The following RUNX2 variants were observed in gnomAD, a reference collection of about 807,000 sequenced individuals.
RUNX2 encodes the protein runt-related transcription factor 2.
Under a neutral mutation model 51.7 loss-of-function variants are expected in RUNX2, and 10 were observed. The observed-to-expected ratio is 0.19, with a 90% CI of 0.12 to 0.33. RUNX2 has a LOEUF of 0.33. Ranked by LOEUF, RUNX2 falls within the 10% of genes least tolerant of loss-of-function variation. The probability of loss-of-function intolerance (pLI) is 1.00; values close to 1 mark genes in which losing one functional copy is unlikely to be tolerated. For synonymous variants in RUNX2, 276 were observed against 273.6 expected (o/e 1.01, Z -0.09); for missense variants, 562 against 691.3 (o/e 0.81, Z 2.10).
intron 6 of RUNX2, among the ~76,000 whole-genome samples, chr6:45,507,032 T>A (rs1800989990): frequency 6.6e-6 from 1 of 151,330 alleles, no homozygotes; most frequent in Non-Finnish European, 1.5e-5. Context: ...AACTTGTAGG[T>A]AGTTCATGGC....
At chr6:45,460,987 A>G (rs140516762) in intron 5 of RUNX2, among the ~76,000 whole-genome samples, 1 of 152,364 alleles carries the variant, frequency 6.6e-6, no homozygotes, top group East Asian at 1.9e-4. Context: ...AGACAAGATC[A>G]CTTGGAGGAA....
At chr6:45,485,689 G>GTATATATATATATATATATA (rs1563107039) in intron 5 of RUNX2, among the ~76,000 whole-genome samples, 1 of 75,678 alleles carries the variant, frequency 1.3e-5, no homozygotes, top group African/African-American at 4.9e-5. Flanking sequence ...GTGTGTGTGT[G>GTATATATATATATATATATA]TGTGTGTGTA....
intron 2 of RUNX2, among the ~76,000 whole-genome samples, chr6:45,332,215 C>T (rs1030812433): frequency 3.3e-5 from 5 of 151,492 alleles, no homozygotes; most frequent in Non-Finnish European, 7.4e-5. Context: ...TTTTTTTCAA[C>T]AAATATTCAT....
At chr6:45,332,814 C>A (rs1409529341) in intron 2 of RUNX2, among the ~76,000 whole-genome samples, 2 of 151,788 alleles carry the variant, frequency 1.3e-5, no homozygotes, top group South Asian at 2.1e-4. Context: ...ACTATTTTTT[C>A]TAGTCACTCA....
At chr6:45,395,058 C>T (rs917767713) in intron 2 of RUNX2, among the ~76,000 whole-genome samples, 8 of 152,100 alleles carry the variant, frequency 5.3e-5, no homozygotes, top group Non-Finnish European at 1.0e-4. Flanking sequence ...TAATGAATTA[C>T]CCTTTAAGTG....
intron 2 of RUNX2, among the ~76,000 whole-genome samples, chr6:45,415,368 C>T (rs1251486417): frequency 6.6e-6 from 1 of 152,214 alleles, no homozygotes; most frequent in Non-Finnish European, 1.5e-5. Flanking sequence ...CTCTTCTCAA[C>T]CAAGGCTGAA....
chr6:45,437,920 G>T, intron 4 of RUNX2, 27 bp from the exon 5 acceptor site: 1 of 1,491,562 alleles, frequency 6.7e-7, no homozygotes, highest in Non-Finnish European at 9.4e-7. Context: ...AATATTCACT[G>T]TATATTTTCC....
chr6:45,422,928 T>A lies in RUNX2; in HGVS notation c.394T>A (p.Cys132Ser). The A allele has an allele frequency of 6.2e-7, 1 of 1,612,152 alleles. No homozygotes were observed. The highest frequency in any genetic ancestry group is 8.5e-7 in the Non-Finnish European group (1 of 1,179,600). Residue 132 changes from cysteine to serine, a missense_variant, in exon 3 of 9, where the codon TGC becomes AGC. By Grantham distance (112) the Cys-to-Ser change is moderately radical. This residue lies in a region of RUNX2 where 67 missense variants were observed against 106.5 expected (regional missense o/e 0.63). Transcript: ENST00000647337. Reference protein sequence around the residue: ...LCSVLPSHWRCNKTLPVAFKV... With the variant: ...LCSVLPSHWRSNKTLPVAFKV... ...CTCGGTGCTGCCCTCGCACTGGCGC[T>A]GCAACAAGACCCTGCCCGTGGCCTT... is the stretch of plus-strand genomic sequence containing the variant.
intron 5 of RUNX2, among the ~76,000 whole-genome samples, chr6:45,475,979 A>G (rs959522398): frequency 6.6e-6 from 1 of 152,232 alleles, no homozygotes; most frequent in African/African-American, 2.4e-5. Flanking sequence ...GGGAAAAGTA[A>G]GAGGTCCAAA....
At chr6:45,452,922 G>C (rs1799215618) in intron 5 of RUNX2, among the ~76,000 whole-genome samples, 1 of 152,108 alleles carries the variant, frequency 6.6e-6, no homozygotes, top group African/African-American at 2.4e-5. Context: ...TAGACCCTTA[G>C]CCACTACACT....
At chr6:45,458,657 A>G (rs373347710) in intron 5 of RUNX2, among the ~76,000 whole-genome samples, 1 of 152,258 alleles carries the variant, frequency 6.6e-6, no homozygotes, top group East Asian at 1.9e-4. Context: ...GTAAAAATAT[A>G]TGAAAAATAA....
At chr6:45,489,279 G>T (rs1333429998) in intron 5 of RUNX2, among the ~76,000 whole-genome samples, 1 of 152,048 alleles carries the variant, frequency 6.6e-6, no homozygotes, top group Non-Finnish European at 1.5e-5. Flanking sequence ...GATCATGAAG[G>T]GTTTTAAAAT....
intron 6 of RUNX2, among the ~76,000 whole-genome samples, chr6:45,501,467 T>G (rs983162078): frequency 6.6e-6 from 1 of 152,218 alleles, no homozygotes; most frequent in Non-Finnish European, 1.5e-5. Flanking sequence ...CCTCACAACT[T>G]TGTCTCATCT....
At chr6:45,491,856 C>T (rs1800485633) in intron 5 of RUNX2, 85 bp from the exon 6 acceptor site, 2 of 1,366,610 alleles carry the variant, frequency 1.5e-6, no homozygotes, top group Admixed American at 1.7e-5. Flanking sequence ...CTTAAACTCC[C>T]AGTTTGTATG....
chr6:45,422,765 TGCGGCGGCGGCGGCGGCTGCG>T lies in RUNX2; in HGVS notation c.240_260del (p.Ala83_Ala89del), dbSNP rs767890933. The T allele has an allele frequency of 7.6e-7, 1 of 1,313,836 alleles. No individual in the cohort carries two copies. Among genetic ancestry groups the T allele is most frequent in the African/African-American group, 1.5e-5 (1 of 65,626 alleles). 81.4% of individuals were successfully genotyped at this position (1,313,836 alleles called of 1,614,324 possible). A position where few individuals can be genotyped will look rare whatever the true frequency, so the allele number is the denominator to read the frequency against. ...AGCAGCAGGAGGCGGCGGCGGCGGC[TGCGGCGGCGGCGGCGGCTGCG>T]GCGGCGGCAGCTGCAGTGCCCCGGT... On this transcript the variant is annotated inframe_deletion, in exon 3 of 9. Coordinates refer to ENST00000647337, the MANE Select transcript of RUNX2 (RefSeq NM_001024630.4).
At chr6:45,489,251 T>C (rs887352352) in intron 5 of RUNX2, among the ~76,000 whole-genome samples, 1 of 152,182 alleles carries the variant, frequency 6.6e-6, no homozygotes, top group African/African-American at 2.4e-5. Context: ...AAGTGTTCTT[T>C]GAAGATAATT....
At chr6:45,367,059 G>A (rs1197127694) in intron 2 of RUNX2, among the ~76,000 whole-genome samples, 1 of 152,056 alleles carries the variant, frequency 6.6e-6, no homozygotes, top group Non-Finnish European at 1.5e-5. Context: ...AAGAAGGTTG[G>A]GGAAAAAAAG....
chr6:45,453,356 A>G (rs931950878), intron 5 of RUNX2, among the ~76,000 whole-genome samples: 2 of 152,212 alleles, frequency 1.3e-5, no homozygotes, highest in South Asian at 2.1e-4. Flanking sequence ...TTCATTACCT[A>G]TGTGGGGACA....
At chr6:45,468,026 A>G (rs983890223) in intron 5 of RUNX2, among the ~76,000 whole-genome samples, 3 of 152,158 alleles carry the variant, frequency 2.0e-5, no homozygotes, top group African/African-American at 7.2e-5. Context: ...TCATGTTGTG[A>G]AACTCTCTGT....
Sources: gnomAD v4.1 joint callset for allele counts (sites outside exome capture counted in the v4.1 genomes callset) on GRCh38, gnomAD v4.1.1 for gene constraint, gnomAD v4.1.1 regional missense constraint, MANE v1.5 for transcripts, NCBI Gene and HGNC (gene_info 2026-07-23, HGNC 2026-07-21) for gene names.